DGKI: variants seen among roughly 807,000 people sequenced by gnomAD.
DGKI encodes the protein DAG kinase iota.
In DGKI, 55 loss-of-function variants were observed where a neutral mutation model predicts 147.5. The ratio of observed to expected loss-of-function variants is 0.37; its 90% CI spans 0.30 to 0.47. The LOEUF (loss-of-function observed/expected upper bound fraction) is 0.47, where lower values mean the gene tolerates loss of function less well. Among genes scored for constraint, DGKI ranks in the 20% least tolerant of loss-of-function variants. The probability of loss-of-function intolerance (pLI) is 1.00; values close to 1 mark genes in which losing one functional copy is unlikely to be tolerated. For synonymous variants in DGKI, 469 were observed against 477.1 expected (o/e 0.98, Z 0.22); for missense variants, 1,007 against 1,323.8 (o/e 0.76, Z 3.71).
chr7:137,651,263 G>A (rs1173557729), intron 5 of DGKI, among the ~76,000 whole-genome samples: 3 of 152,182 alleles, frequency 2.0e-5, no homozygotes, highest in Non-Finnish European at 2.9e-5. Context: ...TTGGTCAAAG[G>A]GGAGAGGTCA....
intron 1 of DGKI, among the ~76,000 whole-genome samples, chr7:137,814,459 C>T (rs1179579772): frequency 6.6e-6 from 1 of 152,086 alleles, no homozygotes; most frequent in Non-Finnish European, 1.5e-5. Flanking sequence ...ATTTTTCCCA[C>T]CCATCTATGT....
intron 21 of DGKI, among the ~76,000 whole-genome samples, chr7:137,503,002 G>A (rs1816233650): frequency 6.6e-6 from 1 of 152,090 alleles, no homozygotes; most frequent in Admixed American, 6.6e-5. Context: ...CTGGACAAAG[G>A]ACCAGAACCA....
intron 28 of DGKI, among the ~76,000 whole-genome samples, chr7:137,438,862 A>T (rs1027065392): frequency 6.6e-6 from 1 of 152,238 alleles, no homozygotes; most frequent in Non-Finnish European, 1.5e-5. Context: ...GTACAAATTC[A>T]AAATACATAA....
chr7:137,593,755 A>T (rs932434044), intron 12 of DGKI, among the ~76,000 whole-genome samples: 4 of 152,248 alleles, frequency 2.6e-5, no homozygotes, highest in African/African-American at 7.2e-5. Context: ...TTAGATAAAT[A>T]AAATATATTA....
chr7:137,843,335 C>T, intron 1 of DGKI: 2 of 746,614 alleles, frequency 2.7e-6, no homozygotes, highest in Non-Finnish European at 3.3e-6. Context: ...GTATCTGTTG[C>T]AGCACCATAA....
intron 27 of DGKI, among the ~76,000 whole-genome samples, chr7:137,459,380 G>A (rs1029533982): frequency 6.6e-6 from 1 of 151,742 alleles, no homozygotes; most frequent in Non-Finnish European, 1.5e-5. Context: ...AAGCCTTGCA[G>A]GTATATTTCT....
chr7:137,660,347 A>G (rs1822380160), intron 3 of DGKI, among the ~76,000 whole-genome samples: 1 of 152,240 alleles, frequency 6.6e-6, no homozygotes, highest in South Asian at 2.1e-4. Context: ...ACAACACAAT[A>G]ATATATATGC....
intron 1 of DGKI, among the ~76,000 whole-genome samples, chr7:137,803,188 G>A (rs564138935): frequency 2.7e-4 from 41 of 152,214 alleles, no homozygotes; most frequent in African/African-American, 8.9e-4. Flanking sequence ...GAGAGAAAAC[G>A]CAGGTGAGAC....
intron 1 of DGKI, among the ~76,000 whole-genome samples, chr7:137,808,840 C>G (rs913550168): frequency 7.2e-5 from 11 of 152,142 alleles, no homozygotes; most frequent in Non-Finnish European, 1.5e-4. Flanking sequence ...ACTCCAGAAG[C>G]CTGGCGTGGC....
At chr7:137,711,362 G>C (rs1794207433) in intron 1 of DGKI, among the ~76,000 whole-genome samples, 2 of 152,160 alleles carry the variant, frequency 1.3e-5, no homozygotes, top group Middle Eastern at 3.4e-3. Flanking sequence ...GATGAAAGCA[G>C]AACAGATAAA....
intron 18 of DGKI, 65 bp downstream of exon 18, chr7:137,572,700 T>C: frequency 8.7e-7 from 1 of 1,147,690 alleles, no homozygotes; most frequent in Non-Finnish European, 1.3e-6. Context: ...TTTTCTGTTA[T>C]GAAAACAGAT....
intron 15 of DGKI, among the ~76,000 whole-genome samples, chr7:137,581,238 A>C (rs1427359350): frequency 6.6e-6 from 1 of 152,100 alleles, no homozygotes; most frequent in Non-Finnish European, 1.5e-5. Flanking sequence ...AGTACCTGAA[A>C]TCACTACATG....
intron 21 of DGKI, among the ~76,000 whole-genome samples, chr7:137,518,997 C>T (rs1413427850): frequency 6.6e-6 from 1 of 152,036 alleles, no homozygotes; most frequent in Non-Finnish European, 1.5e-5. Context: ...AGACTGTCCC[C>T]TCTTGCAAAC....
intron 7 of DGKI, among the ~76,000 whole-genome samples, chr7:137,622,074 A>C (rs1366757122): frequency 6.6e-6 from 1 of 150,398 alleles, no homozygotes; most frequent in Non-Finnish European, 1.5e-5. Context: ...GTAACAACTA[A>C]CTGAAAGTAA....
chr7:137,689,526 C>G (rs2116451189), intron 2 of DGKI, among the ~76,000 whole-genome samples: 1 of 152,310 alleles, frequency 6.6e-6, no homozygotes, highest in African/African-American at 2.4e-5. Flanking sequence ...CAGAAAAACT[C>G]AGCTCAAGCT....
chr7:137,621,515 T>C (rs1820746963), intron 7 of DGKI, among the ~76,000 whole-genome samples: 1 of 152,234 alleles, frequency 6.6e-6, no homozygotes, highest in African/African-American at 2.4e-5. Context: ...ACATATTTAT[T>C]TGCTTGTCTG....
chr7:137,418,927 A>T (rs1490058460), intron 28 of DGKI, among the ~76,000 whole-genome samples: 1 of 152,226 alleles, frequency 6.6e-6, no homozygotes, highest in Non-Finnish European at 1.5e-5. Flanking sequence ...TTGAGGAGTA[A>T]TAATACTCTA....
At chr7:137,604,750 G>GA (rs1820114160) in intron 10 of DGKI, among the ~76,000 whole-genome samples, 1 of 152,142 alleles carries the variant, frequency 6.6e-6, no homozygotes, top group Admixed American at 6.5e-5. Context: ...CTAGGTCACT[G>GA]GAAGAGAAAG....
chr7:137,786,869 A>T (rs1417947998), intron 1 of DGKI, among the ~76,000 whole-genome samples: 1 of 151,958 alleles, frequency 6.6e-6, no homozygotes, highest in Non-Finnish European at 1.5e-5. Context: ...CAACATAAAG[A>T]GGGGAGAGGA....
Sources: allele counts gnomAD v4.1 joint callset (sites outside exome capture counted in the v4.1 genomes callset), GRCh38; gene constraint gnomAD v4.1.1; transcripts MANE v1.5; gene names NCBI Gene and HGNC (gene_info 2026-07-23, HGNC 2026-07-21).